Variants in CNST observed in about 807,000 individuals in gnomAD.
The protein encoded by CNST is consortin.
Under a neutral mutation model 72.4 loss-of-function variants are expected in CNST, and 39 were observed. That is an observed-to-expected ratio of 0.54 (90% CI 0.42 to 0.70). The LOEUF (loss-of-function observed/expected upper bound fraction) is 0.70, where lower values mean the gene tolerates loss of function less well. Among genes scored for constraint, CNST ranks in the 30% least tolerant of loss-of-function variants. The pLI, the probability that CNST is intolerant of heterozygous loss-of-function variation, is 0.00. For missense variants in CNST, 871 were observed against 868.5 expected (o/e 1.00, Z -0.04); for synonymous variants, 332 against 320.1 (o/e 1.04, Z -0.40).
intron 8 of CNST, among the ~76,000 whole-genome samples, chr1:246,643,301 T>C (rs1469999900): frequency 6.6e-6 from 1 of 152,234 alleles, no homozygotes; most frequent in Admixed American, 6.5e-5. Flanking sequence ...CCTACTAGAC[T>C]CTGTTCTTCC....
At chr1:246,654,875 A>G (rs968854641) in intron 9 of CNST, among the ~76,000 whole-genome samples, 2 of 152,150 alleles carry the variant, frequency 1.3e-5, no homozygotes, top group African/African-American at 4.8e-5. Context: ...ATATTATAGA[A>G]ACTAGGAAGA....
chr1:246,605,684 G>A (rs1572162187), intron 2 of CNST, among the ~76,000 whole-genome samples: 1 of 144,968 alleles, frequency 6.9e-6, no homozygotes. Context: ...CTTCCGGCCG[G>A]GGTAGGTGTC....
At chr1:246,603,630 A>G (rs1003260164) in intron 2 of CNST, among the ~76,000 whole-genome samples, 2 of 152,246 alleles carry the variant, frequency 1.3e-5, no homozygotes, top group African/African-American at 4.8e-5. Flanking sequence ...TAGCAATGAA[A>G]ATAAATAAAA....
chr1:246,646,177 G>T (rs1336073258), intron 8 of CNST, among the ~76,000 whole-genome samples: 1 of 151,294 alleles, frequency 6.6e-6, no homozygotes, highest in Non-Finnish European at 1.5e-5. Flanking sequence ...CTACTCGGGA[G>T]GCTGAGGCAG....
In CNST at chr1:246,666,760, C is replaced by T. The variant is rs1021493298; in HGVS notation, c.*855C>T. 23 of 152,194 alleles carry T rather than the reference C, an allele frequency of 1.5e-4. No homozygotes were observed. The highest frequency in any genetic ancestry group is 5.5e-4 in the African/African-American group (23 of 41,448). The allele number at this position is 152,194 out of a possible 1,614,324, so 9.4% of individuals were successfully genotyped here. On this transcript the variant is annotated 3_prime_UTR_variant, in exon 11 of 11. Coordinates refer to ENST00000366513, the MANE Select transcript of CNST (RefSeq NM_152609.3). ...ATCATGAATGCTGGACTCAGTTTGG[C>T]AAACGCTTACACCTATTATGTTCTG...
rs1491252940 is a variant in CNST at position 246,642,132 on chromosome 1, G to GTTTTTTTTTTTTTTTTTTT, written c.937+95_937+96insTTTTTTTTTTTTTTTTTTT. ...ACATCTGAATTGCTGCAAAGGATCT[G>GTTTTTTTTTTTTTTTTTTT]GTTTTTTTTTTTTTTTTTTTTTGCA... On this transcript the variant is annotated intron_variant, in intron 8 of 10. Coordinates refer to ENST00000366513, the MANE Select transcript of CNST (RefSeq NM_152609.3). The GTTTTTTTTTTTTTTTTTTT allele has an allele frequency of 8.7e-4, 173 of 198,324 alleles. 38 individuals carry two copies. Among genetic ancestry groups the GTTTTTTTTTTTTTTTTTTT allele is most frequent in the African/African-American group, 8.5e-3 (159 of 18,802 alleles). 12.3% of individuals were successfully genotyped at this position (198,324 alleles called of 1,614,324 possible).
chr1:246,621,211 C>T (rs2103077307), intron 2 of CNST, among the ~76,000 whole-genome samples: 1 of 152,322 alleles, frequency 6.6e-6, no homozygotes, highest in South Asian at 2.1e-4. Flanking sequence ...TCCTGCTACT[C>T]TCCTAGCATC....
intron 1 of CNST, among the ~76,000 whole-genome samples, chr1:246,581,188 A>G (rs1020474432): frequency 6.6e-6 from 1 of 152,112 alleles, no homozygotes; most frequent in Admixed American, 6.5e-5. Context: ...TTCTTTAACC[A>G]TTCCCATACA....
intron 2 of CNST, among the ~76,000 whole-genome samples, chr1:246,604,271 A>C (rs929176940): frequency 6.6e-6 from 1 of 152,176 alleles, no homozygotes; most frequent in South Asian, 2.1e-4. Flanking sequence ...AGAAAAAAAA[A>C]AGGGGCTTGG....
At chr1:246,611,378 G>A (rs1663308021) in intron 2 of CNST, among the ~76,000 whole-genome samples, 1 of 152,080 alleles carries the variant, frequency 6.6e-6, no homozygotes, top group South Asian at 2.1e-4. Flanking sequence ...CTCAGAGTTT[G>A]AAGCTGCCTG....
At chr1:246,626,862 C>T (rs758754958) in intron 3 of CNST, among the ~76,000 whole-genome samples, 3 of 152,124 alleles carry the variant, frequency 2.0e-5, no homozygotes, top group South Asian at 2.1e-4. Context: ...GATTTTCTCC[C>T]GTATCTGCTG....
intron 2 of CNST, among the ~76,000 whole-genome samples, chr1:246,614,274 T>C (rs1263524066): frequency 6.6e-6 from 1 of 152,212 alleles, no homozygotes. Flanking sequence ...AAAATAATTT[T>C]ATACATGAAA....
intron 10 of CNST, among the ~76,000 whole-genome samples, chr1:246,665,465 A>G (rs546846018): frequency 4.6e-5 from 7 of 152,374 alleles, no homozygotes; most frequent in African/African-American, 1.7e-4. Context: ...TGTCCATTGT[A>G]TAAATGAGCT....
At chr1:246,628,240 TCACA>T (rs1311629945) in intron 3 of CNST, among the ~76,000 whole-genome samples, 1 of 152,106 alleles carries the variant, frequency 6.6e-6, no homozygotes. Flanking sequence ...GGCAACACCC[TCACA>T]GACACACCCA....
intron 3 of CNST, among the ~76,000 whole-genome samples, chr1:246,628,461 TG>T (rs1269635706): frequency 3.9e-5 from 6 of 152,192 alleles, no homozygotes; most frequent in Admixed American, 2.0e-4. Flanking sequence ...TAAAGGCCAA[TG>T]GAAATACGAC....
At chr1:246,595,843 C>T (rs1234796003) in intron 2 of CNST, among the ~76,000 whole-genome samples, 1 of 152,084 alleles carries the variant, frequency 6.6e-6, no homozygotes, top group East Asian at 1.9e-4. Flanking sequence ...AGTCATTTTT[C>T]AATTACTACT....
At chr1:246,661,318 A>G (rs1320648688) in intron 10 of CNST, among the ~76,000 whole-genome samples, 2 of 151,942 alleles carry the variant, frequency 1.3e-5, no homozygotes, top group Non-Finnish European at 2.9e-5. Context: ...AGGTTTTGCC[A>G]TGTTGGCCAG....
chr1:246,623,003 A>C (rs1664190930), intron 3 of CNST, among the ~76,000 whole-genome samples: 1 of 151,952 alleles, frequency 6.6e-6, no homozygotes, highest in South Asian at 2.1e-4. Flanking sequence ...TTTGTATTTT[A>C]GTAGAGATGG....
chr1:246,619,537 G>T (rs1207569462), intron 2 of CNST, among the ~76,000 whole-genome samples: 1 of 152,158 alleles, frequency 6.6e-6, no homozygotes, highest in African/African-American at 2.4e-5. Context: ...ACCAATTACT[G>T]TACTGCAACC....
Sources: gnomAD v4.1 joint callset for allele counts (sites outside exome capture counted in the v4.1 genomes callset) on GRCh38, gnomAD v4.1.1 for gene constraint, MANE v1.5 for transcripts, NCBI Gene and HGNC (gene_info 2026-07-23, HGNC 2026-07-21) for gene names.